MUC5B: variants seen among roughly 807,000 people sequenced by gnomAD.
MUC5B encodes mucin-5B.
In MUC5B, 116 loss-of-function variants were observed where a neutral mutation model predicts 376.9. The observed-to-expected ratio is 0.31, with a 90% CI of 0.26 to 0.36. MUC5B has a LOEUF of 0.36. MUC5B is among the 10% of genes least tolerant of loss of function. The probability of loss-of-function intolerance (pLI) is 1.00; values close to 1 mark genes in which losing one functional copy is unlikely to be tolerated. For missense variants in MUC5B, 7,165 were observed against 7,769.9 expected, an observed-to-expected ratio of 0.92 and a Z score of 2.93; for synonymous variants, 3,517 against 3,390.9, an observed-to-expected ratio of 1.04 and a Z score of -1.29.
chr11:1,253,206 C>T lies in MUC5B; in HGVS notation c.15217+226C>T, dbSNP rs2133847529. ...ATCCCTTCAGGAAACCATCATGCAC[C>T]ATGCTGTCTTGGGCCTCAGTGGTGC... On this transcript the variant is annotated intron_variant, in intron 33 of 48. Coordinates refer to ENST00000529681, the MANE Select transcript of MUC5B (RefSeq NM_002458.3). The surrounding 1 kb of genome is among the most constrained non-coding windows in gnomAD (Gnocchi z 4.3). Among the ~76,000 whole-genome samples the T allele has an allele frequency of 6.6e-6, 1 of 152,158 alleles. No individual in the cohort carries two copies. The highest frequency in any genetic ancestry group is 1.9e-4 in the East Asian group (1 of 5,176).
At position 1,257,677 on chromosome 11, in the gene MUC5B, GC is replaced by G; in HGVS notation, c.16419del (p.Glu5474ArgfsTer128). ...PGFVTVTRPR[A>X]ENPCCPETVC... ...CTTCGTAACCGTGACCAGGCCCCGGGCCGAGAACCCCTGCTGCCCCGAGACG... is the reference window on the plus strand; with the variant it reads ...CTTCGTAACCGTGACCAGGCCCCGGGCGAGAACCCCTGCTGCCCCGAGACG... On this transcript the variant is annotated frameshift_variant, in exon 41 of 49. Transcript: ENST00000529681. LOFTEE classifies it high-confidence loss of function. This position sits in a 1 kb window ranked among gnomAD's most constrained non-coding sequence, Gnocchi z 8.9. 1 of 1,574,392 alleles carries G rather than the reference GC, an allele frequency of 6.4e-7. No individual in the cohort carries two copies. Among genetic ancestry groups the G allele is most frequent in the Non-Finnish European group, 8.6e-7 (1 of 1,167,714 alleles).
At position 1,232,530 on chromosome 11, in the gene MUC5B, A is replaced by G. The variant is rs776871334; in HGVS notation, c.1924A>G (p.Lys642Glu). ...FSRCHSIINP[K>E]PFHSNCMFDT... ...GCGCTGCCACTCCATCATCAACCCC[A>G]AGCCCTTCCACTCGGTGAGAGGCTG... is the stretch of plus-strand genomic sequence containing the variant. Residue 642 changes from lysine (K) to glutamate (E), a missense_variant, in exon 16 of 49, where the codon AAG (lysine) becomes GAG (glutamate). Physicochemically the swap from Lys to Glu is moderately conservative, Grantham distance 56 (BLOSUM62 1). Transcript: ENST00000529681. 2 of 1,610,916 alleles carry G rather than the reference A, an allele frequency of 1.2e-6. No homozygotes were observed. The highest frequency in any genetic ancestry group is 8.5e-7 in the Non-Finnish European group (1 of 1,179,120).
rs1477980258 is a variant in MUC5B at position 1,245,727 on chromosome 11, G to A, written c.8847G>A (p.Gln2949=). ...GCCTGGTCTGCAGGAACCGTGAGCA[G>A]GTGGGGAAGTTCAAGATGTGCTTCA... ...DFGLVCRNRE[Q]VGKFKMCFNY... Residue 2949 remains glutamine, a synonymous_variant, in exon 31 of 49, where the codon CAG becomes CAA. Transcript: ENST00000529681. 6.2e-7 allele frequency: 1 copy of A among 1,609,900 alleles called. No individual in the cohort carries two copies. Among genetic ancestry groups the A allele is most frequent in the East Asian group, 2.2e-5 (1 of 44,814 alleles).
Position 1,260,072 on chromosome 11 carries a change from T to A in MUC5B, c.16910T>A (p.Val5637Glu). 1 of 1,612,540 alleles carries A rather than the reference T, an allele frequency of 6.2e-7. No homozygotes were observed. Among genetic ancestry groups the A allele is most frequent in the Non-Finnish European group, 8.5e-7 (1 of 1,179,684 alleles). Residue 5637 changes from valine to glutamate, a missense_variant, in exon 46 of 49, where the codon GTG (valine) becomes GAG (glutamate). Around this residue, in one of 31 missense-constraint regions of MUC5B, gnomAD observed 842 missense variants for 1,016.9 expected, o/e 0.83. Coordinates refer to ENST00000529681, the MANE Select transcript of MUC5B (RefSeq NM_002458.3). ...LTPQPASCPD[V>E]SSCRGSLRKT... ...CCACAGCCTGCATCCTGCCCAGATG[T>A]GTCCAGCTGCAGGGTGTGTGCTGGA...
chr11:1,227,176 C>T, intron 5 of MUC5B, 31 bp downstream of exon 5: 1 of 1,596,202 alleles, frequency 6.3e-7, no homozygotes, highest in Non-Finnish European at 8.6e-7. Context: ...CTTGCCCCTT[C>T]AGGCCTGGCC....
Position 1,248,405 on chromosome 11 carries a change from C to A in MUC5B, c.11525C>A (p.Thr3842Asn). The change falls in exon 31 of 49, where the codon ACC becomes AAC. Residue 3842 changes from threonine (T) to asparagine (N), a missense_variant. By Grantham distance (65) the Thr-to-Asn change is moderately conservative (BLOSUM62 0). Coordinates refer to ENST00000529681, the MANE Select transcript of MUC5B (RefSeq NM_002458.3). Reference sequence around the variant, plus strand: ...TCCACAGTGCTTACCACCACGGCCACCACAACCAGGGCCACCGGCTCTGTG... The same window carrying A: ...TCCACAGTGCTTACCACCACGGCCAACACAACCAGGGCCACCGGCTCTGTG... ...HTSTVLTTTA[T>N]TTRATGSVAT... 6.2e-7 allele frequency: 1 copy of A among 1,612,662 alleles called. No individual in the cohort carries two copies. Among genetic ancestry groups the A allele is most frequent in the South Asian group, 1.1e-5 (1 of 91,032 alleles).
intron 14 of MUC5B, 145 bp from the exon 15 acceptor site, chr11:1,231,851 C>A: frequency 8.3e-7 from 1 of 1,201,446 alleles, no homozygotes; most frequent in Non-Finnish European, 1.2e-6. Flanking sequence ...CCCGCCAGGG[C>A]TTATCTGCAG....
intron 32 of MUC5B, 114 bp downstream of exon 32, chr11:1,252,638 T>A: frequency 7.3e-7 from 1 of 1,374,604 alleles, no homozygotes; most frequent in Non-Finnish European, 9.7e-7. Context: ...GCCGCCAGTA[T>A]CTCCAGTTGG....
rs1279029333 is a variant in MUC5B, at chr11:1,257,644, C to T, written c.16384C>T (p.Arg5462Cys). ...DAQGQPPPCN[R>C]PGFVTVTRPR... is the part of the protein sequence containing the mutation. ...CCAGGGTCAGCCCCCGCCGTGCAAC[C>T]GTCCCGGCTTCGTAACCGTGACCAG... The change falls in exon 41 of 49, where the codon CGT (arginine) becomes TGT (cysteine). Residue 5462 changes from arginine to cysteine, a missense_variant. By Grantham distance (180) the Arg-to-Cys change is radical (BLOSUM62 -3). Around this residue, in one of 31 missense-constraint regions of MUC5B, gnomAD observed 842 missense variants for 1,016.9 expected, o/e 0.83. Transcript: ENST00000529681. This position sits in a 1 kb window ranked among gnomAD's most constrained non-coding sequence, Gnocchi z 8.9. 3.1e-6 allele frequency: 5 copies of T among 1,596,706 alleles called. No homozygotes were observed. Among genetic ancestry groups the T allele is most frequent in the South Asian group, 1.1e-5 (1 of 90,168 alleles).
rs771542103 is a variant in MUC5B, at chr11:1,244,173, G to T, written c.7293G>T (p.Gly2431=). The change falls in exon 31 of 49, where the codon GGG becomes GGT. Residue 2431 remains glycine (G), a synonymous_variant. Coordinates refer to ENST00000529681, the MANE Select transcript of MUC5B (RefSeq NM_002458.3). ...CGGCCATGCCCTCCTCCACTCCGGG[G>T]ACGACCTGGATCCTCACAGAGCTGA... is the stretch of plus-strand genomic sequence containing the variant. ...SSTAMPSSTP[G]TTWILTELTT... 1 of 1,613,248 alleles carries T rather than the reference G, an allele frequency of 6.2e-7. No homozygotes were observed. The highest frequency in any genetic ancestry group is 8.5e-7 in the Non-Finnish European group (1 of 1,179,602).
At chr11:1,230,797 G>A in intron 12 of MUC5B, 139 bp from the exon 13 acceptor site, 2 of 1,084,836 alleles carry the variant, frequency 1.8e-6, no homozygotes, top group South Asian at 2.9e-5. Flanking sequence ...GGCAATTGCA[G>A]AGCCCACCGC....
rs1367696367 is a variant in MUC5B at position 1,247,318 on chromosome 11, G to A, written c.10438G>A (p.Gly3480Ser). The A allele has an allele frequency of 6.8e-6, 11 of 1,611,152 alleles. No individual in the cohort carries two copies. The highest frequency in any genetic ancestry group is 9.3e-6 in the Non-Finnish European group (11 of 1,179,428). Reference protein sequence around the residue: ...AWTSATSGILGTTHITEPSTV... With the variant: ...AWTSATSGILSTTHITEPSTV... ...GACTTCGGCCACCTCGGGCATCTTG[G>A]GCACCACCCACATCACAGAGCCTTC... Residue 3480 changes from glycine to serine, a missense_variant, in exon 31 of 49, where the codon GGC (glycine) becomes AGC (serine). Gly to Ser is a moderately conservative substitution (Grantham distance 56). This residue lies in a region of MUC5B where 939 missense variants were observed against 770.6 expected (regional missense o/e 1.22). Transcript: ENST00000529681.
In MUC5B at chr11:1,247,215, C is replaced by G; in HGVS notation, c.10335C>G (p.Pro3445=). 19 of 1,570,938 alleles carry G rather than the reference C, an allele frequency of 1.2e-5. No homozygotes were observed. The highest frequency in any genetic ancestry group is 1.7e-5 in the Non-Finnish European group (19 of 1,143,988). Residue 3445 remains proline, a synonymous_variant, in exon 31 of 49, where the codon CCC becomes CCG. Coordinates refer to ENST00000529681, the MANE Select transcript of MUC5B (RefSeq NM_002458.3). ...CTGCCCTAGGGACCACCCACACACC[C>G]CCAGTGCCGAACACCACGGCCACCA... The part of the protein sequence containing the change: ...PSSALGTTHT[P]PVPNTTATTH...
At position 1,241,382 on chromosome 11, in the gene MUC5B, C is replaced by A; in HGVS notation, c.4502C>A (p.Thr1501Asn). 1 of 1,613,562 alleles carries A rather than the reference C, an allele frequency of 6.2e-7. No individual in the cohort carries two copies. Among genetic ancestry groups the A allele is most frequent in the Non-Finnish European group, 8.5e-7 (1 of 1,179,644 alleles). ...GTCACCCCCTCGGCCCCAGGTACCA[C>A]CACCTGCCAGCCCCGGTGTCAGTGG... ...VTVTPSAPGT[T>N]TCQPRCQWTE... Residue 1501 changes from threonine (T) to asparagine (N), a missense_variant, in exon 31 of 49, where the codon ACC becomes AAC. By Grantham distance (65) the Thr-to-Asn change is moderately conservative. Coordinates refer to ENST00000529681, the MANE Select transcript of MUC5B (RefSeq NM_002458.3).
In MUC5B at chr11:1,250,793, C is replaced by T. The variant is rs1201329456; in HGVS notation, c.13913C>T (p.Thr4638Ile). ...TTPTTSGSTV[T>I]PSSIPGTTHT... ...CCCACAACCAGTGGCTCCACGGTGA[C>T]CCCCTCCTCCATCCCGGGGACCACC... The change falls in exon 31 of 49, where the codon ACC (threonine) becomes ATC (isoleucine). Residue 4638 changes from threonine (T) to isoleucine (I), a missense_variant. Around this residue, in one of 31 missense-constraint regions of MUC5B, gnomAD observed 730 missense variants for 592.7 expected, o/e 1.23. Coordinates refer to ENST00000529681, the MANE Select transcript of MUC5B (RefSeq NM_002458.3). 6.2e-7 allele frequency: 1 copy of T among 1,613,358 alleles called. No homozygotes were observed. The highest frequency in any genetic ancestry group is 1.1e-5 in the South Asian group (1 of 91,064).
At position 1,236,437 on chromosome 11, in the gene MUC5B, C is replaced by T. The variant is rs769761344; in HGVS notation, c.2932C>T (p.Pro978Ser). 6.2e-6 allele frequency: 10 copies of T among 1,612,558 alleles called. No homozygotes were observed. In the Admixed American group the frequency reaches 1.7e-4, roughly 27 times the overall value. Reference sequence around the variant, plus strand: ...GACCTTTAAGGCGGTGGCGAGAGGGCCGGGTGGGGACCCACCCTACAAGAT... The same window carrying T: ...GACCTTTAAGGCGGTGGCGAGAGGGTCGGGTGGGGACCCACCCTACAAGAT... ...EGTFKAVARG[P>S]GGDPPYKIRY... Residue 978 changes from proline to serine, a missense_variant, in exon 24 of 49, where the codon CCG (proline) becomes TCG (serine). Pro to Ser is a moderately conservative substitution (Grantham distance 74). Around this residue, in one of 31 missense-constraint regions of MUC5B, gnomAD observed 530 missense variants for 604.0 expected, o/e 0.88. Coordinates refer to ENST00000529681, the MANE Select transcript of MUC5B (RefSeq NM_002458.3).
chr11:1,233,766 C>T lies in MUC5B; in HGVS notation c.2322-27C>T, dbSNP rs780533557. ...GGTCTGCGGGGTGAGGGCCGCAGAT[C>T]CAGGCTGTGCCGTCTGTCTCTTGTA... is the stretch of plus-strand genomic sequence containing the variant. On this transcript the variant is annotated intron_variant, in intron 18 of 48. Transcript: ENST00000529681. 24 of 1,592,096 alleles carry T rather than the reference C, an allele frequency of 1.5e-5. 1 individual carries two copies. In the South Asian group the frequency reaches 2.6e-4, roughly 17 times the overall value.
At position 1,258,475 on chromosome 11, in the gene MUC5B, G is replaced by A. The variant is rs953506328; in HGVS notation, c.16593+108G>A. 1 of 1,347,474 alleles carries A rather than the reference G, an allele frequency of 7.4e-7. No individual in the cohort carries two copies. Among genetic ancestry groups the A allele is most frequent in the Non-Finnish European group, 1.0e-6 (1 of 981,030 alleles). 83.5% of individuals were successfully genotyped at this position (1,347,474 alleles called of 1,614,324 possible). On this transcript the variant is annotated intron_variant, in intron 43 of 48. Transcript: ENST00000529681. This position sits in a 1 kb window ranked among gnomAD's most constrained non-coding sequence, Gnocchi z 5.5. ...CTTGTCTTGACATTCCTGCCCTGAG[G>A]GCCGATCCGCACAGGGGCCCTGGAC...
At position 1,244,194 on chromosome 11, in the gene MUC5B, G is replaced by A. The variant is rs1175235812; in HGVS notation, c.7314G>A (p.Glu2438=). 3.7e-5 allele frequency: 60 copies of A among 1,612,362 alleles called. 1 individual carries two copies. The highest frequency in any genetic ancestry group is 4.7e-5 in the Non-Finnish European group (55 of 1,178,984). The change falls in exon 31 of 49, where the codon GAG becomes GAA. Residue 2438 remains glutamate (E), a synonymous_variant. Transcript: ENST00000529681. ...CGGGGACGACCTGGATCCTCACAGA[G>A]CTGACCACAACAGCCACTACGACTG... The part of the protein sequence containing the change: ...STPGTTWILT[E]LTTTATTTES...
Sources: gnomAD v4.1 joint callset for allele counts (sites outside exome capture counted in the v4.1 genomes callset) on GRCh38, gnomAD v4.1.1 for gene constraint, gnomAD v4.1.1 regional missense constraint, Gnocchi (gnomAD v3.1) non-coding constraint, MANE v1.5 for transcripts, NCBI Gene and HGNC (gene_info 2026-07-23, HGNC 2026-07-21) for gene names.